CPED1: variants seen among roughly 807,000 people sequenced by gnomAD.
CPED1 encodes the protein cadherin-like and PC-esterase domain-containing protein 1.
In CPED1, 114 loss-of-function variants were observed where a neutral mutation model predicts 128.2. That is an observed-to-expected ratio of 0.89 (90% CI 0.76 to 1.04). CPED1 has a LOEUF of 1.04. CPED1 is among the 50% of genes least tolerant of loss of function. The pLI is 0.00. For synonymous variants in CPED1, 462 were observed against 426.7 expected (o/e 1.08, Z -1.02); for missense variants, 1,211 against 1,207.1 (o/e 1.00, Z -0.05).
intron 16 of CPED1, among the ~76,000 whole-genome samples, chr7:121,221,107 C>T (rs1797865128): frequency 6.6e-6 from 1 of 152,062 alleles, no homozygotes; most frequent in Non-Finnish European, 1.5e-5. Context: ...CTAATGCTAT[C>T]TGTCCCCAAG....
At chr7:121,157,071 A>T (rs1221557012) in intron 16 of CPED1, among the ~76,000 whole-genome samples, 1 of 152,218 alleles carries the variant, frequency 6.6e-6, no homozygotes, top group East Asian at 1.9e-4. Flanking sequence ...ATGTTTCTGG[A>T]GATTCAAACG....
intron 4 of CPED1, 23 bp downstream of exon 4, chr7:121,047,016 C>G (rs1793217379): frequency 7.1e-7 from 1 of 1,402,018 alleles, no homozygotes; most frequent in Non-Finnish European, 1.0e-6. Flanking sequence ...AAGATGTGCA[C>G]AGATTTTATC....
chr7:121,060,029 C>A (rs1051421200), intron 4 of CPED1, among the ~76,000 whole-genome samples: 1 of 146,106 alleles, frequency 6.8e-6, no homozygotes, highest in Admixed American at 6.7e-5. Context: ...GCTGGAGTTC[C>A]GGGTGGGCGT....
At chr7:121,274,961 C>A (rs893102266) in intron 22 of CPED1, among the ~76,000 whole-genome samples, 1 of 151,924 alleles carries the variant, frequency 6.6e-6, no homozygotes, top group African/African-American at 2.4e-5. Flanking sequence ...ATGAGCCTGG[C>A]AAATAAAGCT....
intron 4 of CPED1, among the ~76,000 whole-genome samples, chr7:121,063,450 T>G (rs991195417): frequency 2.8e-5 from 4 of 145,134 alleles, no homozygotes; most frequent in African/African-American, 1.0e-4. Flanking sequence ...CCACCCCTGT[T>G]TCCAGTTGCC....
chr7:121,105,777 A>C (rs903377561), intron 7 of CPED1, among the ~76,000 whole-genome samples: 1 of 152,118 alleles, frequency 6.6e-6, no homozygotes, highest in African/African-American at 2.4e-5. Flanking sequence ...TCTTTATAGC[A>C]ACTTTGTGTC....
chr7:121,253,530 A>G (rs987352123), intron 18 of CPED1, among the ~76,000 whole-genome samples: 4 of 152,112 alleles, frequency 2.6e-5, no homozygotes, highest in Admixed American at 2.6e-4. Flanking sequence ...TCTAGTCTAC[A>G]TAACAACCAG....
chr7:121,198,134 C>G (rs945443840), intron 16 of CPED1, among the ~76,000 whole-genome samples: 1 of 152,002 alleles, frequency 6.6e-6, no homozygotes, highest in Non-Finnish European at 1.5e-5. Flanking sequence ...GCAGTTATTA[C>G]GCGAAAGACA....
intron 4 of CPED1, 78 bp downstream of exon 4, chr7:121,047,071 T>C: frequency 1.1e-6 from 1 of 877,446 alleles, no homozygotes; most frequent in South Asian, 1.6e-5. Context: ...CTATAATGTT[T>C]AAGAGTCTTA....
chr7:121,146,015 A>G (rs1796017704), intron 16 of CPED1, among the ~76,000 whole-genome samples: 1 of 152,194 alleles, frequency 6.6e-6, no homozygotes, highest in African/African-American at 2.4e-5. Context: ...TTTTGGCCTA[A>G]TGAACCCCAT....
chr7:120,995,872 CTCTTCT>C (rs374861407), intron 2 of CPED1, among the ~76,000 whole-genome samples: 32,060 of 150,930 alleles, frequency 0.21, 3,636 homozygotes, highest in African/African-American at 0.24. Flanking sequence ...ATTCTTCTTC[CTCTTCT>C]TCTTCTTCTT....
chr7:121,253,082 A>G (rs888685975), intron 18 of CPED1, among the ~76,000 whole-genome samples: 4 of 152,046 alleles, frequency 2.6e-5, no homozygotes, highest in African/African-American at 4.8e-5. Flanking sequence ...ACAATGATAG[A>G]CTGGATTAAG....
chr7:121,019,367 C>T (rs753926854), intron 3 of CPED1, among the ~76,000 whole-genome samples: 6 of 152,006 alleles, frequency 3.9e-5, no homozygotes, highest in Non-Finnish European at 7.4e-5. Context: ...TTTGTCCAAA[C>T]TTATCAGAGT....
At chr7:121,232,846 TTC>T (rs1798169082) in intron 16 of CPED1, among the ~76,000 whole-genome samples, 1 of 152,104 alleles carries the variant, frequency 6.6e-6, no homozygotes, top group Admixed American at 6.6e-5. Context: ...GAAGAATTCT[TTC>T]ATCTCAGAGA....
chr7:121,098,207 C>G (rs1262860627), intron 6 of CPED1, among the ~76,000 whole-genome samples: 1 of 151,920 alleles, frequency 6.6e-6, no homozygotes, highest in Non-Finnish European at 1.5e-5. Context: ...TTTTTTATGG[C>G]TCTTAGCATC....
intron 3 of CPED1, among the ~76,000 whole-genome samples, chr7:121,043,079 G>GAAAGCA (rs1326967533): frequency 0.018 from 2,738 of 152,276 alleles, 73 homozygotes; most frequent in African/African-American, 0.059. Flanking sequence ...ATTTACTCCA[G>GAAAGCA]TGCTTAGAAA....
chr7:121,267,448 C>T (rs1235626886), intron 21 of CPED1, 146 bp downstream of exon 21: 6 of 436,612 alleles, frequency 1.4e-5, no homozygotes, highest in Non-Finnish European at 2.1e-5. Flanking sequence ...CCTTACCCCA[C>T]CAATTTTACA....
chr7:121,252,400 G>A (rs1369228736), intron 18 of CPED1, among the ~76,000 whole-genome samples: 3 of 151,788 alleles, frequency 2.0e-5, no homozygotes, highest in Non-Finnish European at 4.4e-5. Context: ...TCAGGACATA[G>A]ACATCGGCAA....
At chr7:121,207,021 T>C (rs1173478088) in intron 16 of CPED1, among the ~76,000 whole-genome samples, 1 of 152,066 alleles carries the variant, frequency 6.6e-6, no homozygotes, top group African/African-American at 2.4e-5. Context: ...CCTGCAACTT[T>C]CTTTTTTCTC....
Sources: gnomAD v4.1 joint callset for allele counts (sites outside exome capture counted in the v4.1 genomes callset) on GRCh38, gnomAD v4.1.1 for gene constraint, MANE v1.5 for transcripts, NCBI Gene and HGNC (gene_info 2026-07-23, HGNC 2026-07-21) for gene names.